Variants in PDE1A observed in about 807,000 individuals in gnomAD.
The protein encoded by PDE1A is dual specificity calcium/calmodulin-dependent 3',5'-cyclic nucleotide phosphodiesterase 1A.
PDE1A carries 35 observed loss-of-function variants against 61.7 expected under a neutral mutation model. That is an observed-to-expected ratio of 0.57 (90% confidence interval 0.43 to 0.75). The LOEUF is 0.75. PDE1A is among the 30% of genes least tolerant of loss of function. The probability of loss-of-function intolerance (pLI) is 0.00; values close to 1 mark genes in which losing one functional copy is unlikely to be tolerated. For missense variants in PDE1A, 597 were observed against 630.6 expected (o/e 0.95, Z 0.57); for synonymous variants, 232 against 213.2 (o/e 1.09, Z -0.77).
the PDE1A span, among the ~76,000 whole-genome samples, chr2:182,534,357 T>C: frequency 6.6e-6 from 1 of 152,028 alleles, no homozygotes; most frequent in East Asian, 1.9e-4. Flanking sequence ...AAAACAAATT[T>C]GCATAGAAAA....
the PDE1A span, among the ~76,000 whole-genome samples, chr2:182,627,078 A>AAAATATAATATATTATTTAT: frequency 2.7e-4 from 1 of 3,690 alleles, no homozygotes; most frequent in African/African-American, 9.7e-4. Context: ...ATTTATATAT[A>AAAATATAATATATTATTTAT]ATATAAATGA....
chr2:182,168,744 T>G (rs1002764084), intron 13 of PDE1A, among the ~76,000 whole-genome samples: 9 of 152,138 alleles, frequency 5.9e-5, no homozygotes, highest in Non-Finnish European at 1.3e-4. Context: ...TATCTGTGAT[T>G]TATTTTCAAA....
At chr2:182,569,499 G>A in the PDE1A span, among the ~76,000 whole-genome samples, 12 of 152,062 alleles carry the variant, frequency 7.9e-5, no homozygotes, top group Non-Finnish European at 1.6e-4. Context: ...GAGCTCCTTG[G>A]GCGTCAAGCA....
At chr2:182,406,412 A>G (rs1702300852) in intron 1 of PDE1A, among the ~76,000 whole-genome samples, 1 of 152,000 alleles carries the variant, frequency 6.6e-6, no homozygotes, top group African/African-American at 2.4e-5. Flanking sequence ...ATACTAGCAG[A>G]CCAAGCATGA....
chr2:182,278,328 A>G (rs1693578031), intron 1 of PDE1A, among the ~76,000 whole-genome samples: 1 of 152,036 alleles, frequency 6.6e-6, no homozygotes, highest in African/African-American at 2.4e-5. Flanking sequence ...TATAACACAA[A>G]CAATCATCAA....
At chr2:182,473,175 C>A (rs1687142280) in intron 2 of PDE1A, among the ~76,000 whole-genome samples, 1 of 151,826 alleles carries the variant, frequency 6.6e-6, no homozygotes, top group African/African-American at 2.4e-5. Context: ...CATAAAAACC[C>A]TAGAAGAAAA....
intron 1 of PDE1A, among the ~76,000 whole-genome samples, chr2:182,320,552 T>G (rs1023812601): frequency 6.6e-6 from 1 of 152,154 alleles, no homozygotes; most frequent in Non-Finnish European, 1.5e-5. Context: ...TGAATAAAAT[T>G]TATGTTTATC....
chr2:182,468,942 G>A (rs1202363375), intron 2 of PDE1A, among the ~76,000 whole-genome samples: 1 of 151,962 alleles, frequency 6.6e-6, no homozygotes, highest in East Asian at 1.9e-4. Flanking sequence ...GGTCTTAACA[G>A]TGGGCTGAAA....
chr2:182,206,224 T>C (rs988813766), intron 7 of PDE1A, among the ~76,000 whole-genome samples, 159 bp from the exon 8 acceptor site: 1 of 152,206 alleles, frequency 6.6e-6, no homozygotes, highest in African/African-American at 2.4e-5. Flanking sequence ...TTTTACTGTA[T>C]GATATTTTAA....
chr2:182,421,994 C>T (rs1703306135), intron 1 of PDE1A, among the ~76,000 whole-genome samples: 2 of 152,158 alleles, frequency 1.3e-5, no homozygotes, highest in South Asian at 4.1e-4. Flanking sequence ...CCTCTGCTAA[C>T]AGATACTTGC....
At chr2:182,218,826 G>T (rs1282277866) in intron 7 of PDE1A, among the ~76,000 whole-genome samples, 1 of 152,036 alleles carries the variant, frequency 6.6e-6, no homozygotes, top group Non-Finnish European at 1.5e-5. Flanking sequence ...CTTAGTTGTG[G>T]TGCTTAGCGT....
In PDE1A at chr2:182,307,066, T is replaced by C. The variant is rs185714805; in HGVS notation, c.54-42652A>G. On this transcript the variant is annotated intron_variant, in intron 1 of 13. Transcript: ENST00000351439. Reference sequence around the variant, plus strand: ...CATATTATCTGTTAAGTGGTTAATATGTATAATATAAAAGGAAATTAAACA... The same window carrying C: ...CATATTATCTGTTAAGTGGTTAATACGTATAATATAAAAGGAAATTAAACA... 1.1e-4 allele frequency among the ~76,000 whole-genome samples: 16 copies of C among 152,286 alleles called. No individual in the cohort carries two copies. In the East Asian group the frequency reaches 1.9e-3, roughly 18 times the overall value.
At chr2:182,279,571 C>T (rs1024010682) in intron 1 of PDE1A, among the ~76,000 whole-genome samples, 1 of 151,916 alleles carries the variant, frequency 6.6e-6, no homozygotes, top group Non-Finnish European at 1.5e-5. Context: ...TACATATCTT[C>T]AGGAAAATAT....
At chr2:182,255,991 A>C (rs1337682727) in intron 2 of PDE1A, among the ~76,000 whole-genome samples, 1 of 142,844 alleles carries the variant, frequency 7.0e-6, no homozygotes, top group East Asian at 2.1e-4. Flanking sequence ...TTTTCAACCA[A>C]TGTTTGGCTA....
At chr2:182,451,629 T>C (rs1382039465) in intron 2 of PDE1A, among the ~76,000 whole-genome samples, 2 of 152,130 alleles carry the variant, frequency 1.3e-5, no homozygotes, top group Non-Finnish European at 2.9e-5. Flanking sequence ...AATTCTGCTA[T>C]TGTTTCAAGC....
intron 1 of PDE1A, among the ~76,000 whole-genome samples, chr2:182,390,287 A>C (rs1701346876): frequency 6.6e-6 from 1 of 152,166 alleles, no homozygotes; most frequent in South Asian, 2.1e-4. Flanking sequence ...ATTAAACCCC[A>C]AAATACTAAG....
At chr2:182,407,771 A>G (rs2125497638) in intron 1 of PDE1A, among the ~76,000 whole-genome samples, 1 of 152,326 alleles carries the variant, frequency 6.6e-6, no homozygotes, top group South Asian at 2.1e-4. Context: ...AAGCAAATGT[A>G]TGTAGCTAAG....
intron 1 of PDE1A, among the ~76,000 whole-genome samples, chr2:182,370,284 T>C (rs747597231): frequency 6.6e-6 from 1 of 152,208 alleles, no homozygotes; most frequent in East Asian, 1.9e-4. Flanking sequence ...TAGTTAAACT[T>C]TGACATGGAG....
the PDE1A span, among the ~76,000 whole-genome samples, chr2:182,641,689 G>A: frequency 1.3e-5 from 2 of 152,002 alleles, no homozygotes; most frequent in Admixed American, 1.3e-4. Flanking sequence ...TTTACAACCC[G>A]AATAATGACT....
Sources: allele counts gnomAD v4.1 joint callset (sites outside exome capture counted in the v4.1 genomes callset), GRCh38; gene constraint gnomAD v4.1.1; transcripts MANE v1.5; gene names NCBI Gene and HGNC (gene_info 2026-07-23, HGNC 2026-07-21).